The following MUSK variants were observed in gnomAD, a reference collection of about 807,000 sequenced individuals.
MUSK encodes muscle associated receptor tyrosine kinase, also known as muscle, skeletal receptor tyrosine-protein kinase.
A neutral mutation model predicts 88.7 loss-of-function variants in MUSK; 55 were observed. The ratio of observed to expected loss-of-function variants is 0.62; its 90% CI spans 0.50 to 0.78. The LOEUF is 0.78. Among genes scored for constraint, MUSK ranks in the 30% least tolerant of loss-of-function variants. MUSK has a pLI of 0.00. For synonymous variants in MUSK, 387 were observed against 391.9 expected (o/e 0.99, Z 0.15); for missense variants, 1,015 against 1,074.3 (o/e 0.94, Z 0.77).
chr9:110,697,271 G>T (rs2076443172), intron 4 of MUSK, 54 bp from the exon 5 acceptor site: 1 of 1,584,738 alleles, frequency 6.3e-7, no homozygotes, highest in Non-Finnish European at 8.6e-7. Flanking sequence ...TTTGGCAAAT[G>T]TATCCTTGAT....
At chr9:110,775,750 A>G in intron 9 of MUSK, 38 bp from the exon 10 acceptor site, 1 of 1,591,622 alleles carries the variant, frequency 6.3e-7, no homozygotes, top group Non-Finnish European at 8.6e-7. Context: ...TTAACATGTA[A>G]TGATTCATCA....
chr9:110,689,976 T>TATTTAAA (rs2076295840), intron 3 of MUSK, among the ~76,000 whole-genome samples: 4 of 68,012 alleles, frequency 5.9e-5, no homozygotes, highest in Non-Finnish European at 1.0e-4. Flanking sequence ...ATATATTATA[T>TATTTAAA]TATAAATATT....
At position 110,708,091 on chromosome 9, in the gene MUSK, CCTATCTATCTATCTAT is replaced by C. The variant is rs34403055; in HGVS notation, c.628+10659_628+10674del. On this transcript the variant is annotated intron_variant, in intron 5 of 14. Transcript: ENST00000374448. ...TTCCAAAAGATGAAAATAAATAATT[CCTATCTATCTATCTAT>C]CTATCTATCTATCTATCTATCTATC... 4.9e-3 allele frequency among the ~76,000 whole-genome samples: 725 copies of C among 148,682 alleles called. 9 individuals are homozygous for C. The highest frequency in any genetic ancestry group is 0.016 in the African/African-American group (664 of 40,280).
chr9:110,681,029 T>TAA (rs1564209366), intron 1 of MUSK, among the ~76,000 whole-genome samples: 3 of 10,828 alleles, frequency 2.8e-4, no homozygotes, highest in Admixed American at 1.4e-3. Context: ...ATATTATATA[T>TAA]TATATATTAT....
At chr9:110,685,297 C>A (rs1038467918) in intron 2 of MUSK, among the ~76,000 whole-genome samples, 1 of 151,986 alleles carries the variant, frequency 6.6e-6, no homozygotes, top group African/African-American at 2.4e-5. Context: ...CCTTGTATCC[C>A]AGGGATAAGT....
At chr9:110,681,125 T>TATATATA (rs2076128136) in intron 1 of MUSK, among the ~76,000 whole-genome samples, 1 of 69,136 alleles carries the variant, frequency 1.4e-5, no homozygotes, top group Non-Finnish European at 2.5e-5. Flanking sequence ...TAATATATAT[T>TATATATA]ATATATATTA....
At chr9:110,731,399 A>T (rs1305625881) in intron 5 of MUSK, among the ~76,000 whole-genome samples, 1 of 152,108 alleles carries the variant, frequency 6.6e-6, no homozygotes, top group Non-Finnish European at 1.5e-5. Context: ...ATAAGGAAAC[A>T]TTTGAGTAGA....
intron 11 of MUSK, among the ~76,000 whole-genome samples, chr9:110,781,007 G>C (rs1021795019): frequency 6.7e-6 from 1 of 149,898 alleles, no homozygotes; most frequent in East Asian, 1.9e-4. Flanking sequence ...TTTGCTGCAG[G>C]GCATAGTCCA....
intron 1 of MUSK, among the ~76,000 whole-genome samples, chr9:110,671,140 T>C (rs941452148): frequency 6.6e-6 from 1 of 152,062 alleles, no homozygotes; most frequent in African/African-American, 2.4e-5. Flanking sequence ...CTCGGCTAAT[T>C]TTTATATTTT....
At chr9:110,753,541 G>C (rs1217277199) in intron 7 of MUSK, among the ~76,000 whole-genome samples, 1 of 151,942 alleles carries the variant, frequency 6.6e-6, no homozygotes, top group Non-Finnish European at 1.5e-5. Context: ...TCATCAGAGA[G>C]TGCAGTCCAT....
At chr9:110,693,627 C>G (rs1193621192) in intron 3 of MUSK, among the ~76,000 whole-genome samples, 1 of 152,156 alleles carries the variant, frequency 6.6e-6, no homozygotes. Context: ...GCGTCAATAC[C>G]CTAGTCATTC....
chr9:110,739,483 C>G (rs773242994), intron 6 of MUSK, among the ~76,000 whole-genome samples: 5 of 152,174 alleles, frequency 3.3e-5, no homozygotes, highest in Admixed American at 6.6e-5. Flanking sequence ...AAAGGTCAAA[C>G]TAATACAACG....
chr9:110,727,123 GT>G (rs1178694579), intron 5 of MUSK, among the ~76,000 whole-genome samples: 2 of 152,058 alleles, frequency 1.3e-5, no homozygotes, highest in African/African-American at 2.4e-5. Flanking sequence ...GTTTTAAATA[GT>G]TTTTGAACTT....
intron 9 of MUSK, among the ~76,000 whole-genome samples, chr9:110,772,404 A>AT (rs926560015): frequency 2.6e-5 from 4 of 151,584 alleles, no homozygotes; most frequent in Non-Finnish European, 5.9e-5. Flanking sequence ...ATACATTTAA[A>AT]TTTTTTTTCT....
intron 11 of MUSK, among the ~76,000 whole-genome samples, chr9:110,781,762 A>G (rs1419487949): frequency 1.3e-5 from 2 of 152,214 alleles, no homozygotes; most frequent in Non-Finnish European, 1.5e-5. Context: ...GTGTCCTCAC[A>G]TGGCAGAACG....
At chr9:110,699,428 T>C (rs1423595715) in intron 5 of MUSK, among the ~76,000 whole-genome samples, 1 of 152,206 alleles carries the variant, frequency 6.6e-6, no homozygotes, top group Non-Finnish European at 1.5e-5. Flanking sequence ...TGCTGGTACA[T>C]AATAAGCATT....
In MUSK at chr9:110,718,860, A is replaced by G. The variant is rs914156464; in HGVS notation, c.629-15391A>G. 4.6e-5 allele frequency among the ~76,000 whole-genome samples: 7 copies of G among 152,248 alleles called. No homozygotes were observed. In the Middle Eastern group the frequency reaches 0.01, roughly 222 times the overall value. The stretch of plus-strand genomic sequence containing the variant: ...AAGCATCAGGCATCTTATAAAGGAA[A>G]ATCTATCAGAGTAACAGCAGATTTC... On this transcript the variant is annotated intron_variant, in intron 5 of 14. Coordinates refer to ENST00000374448, the MANE Select transcript of MUSK (RefSeq NM_005592.4).
At chr9:110,744,412 G>C (rs2077146996) in intron 6 of MUSK, among the ~76,000 whole-genome samples, 1 of 152,094 alleles carries the variant, frequency 6.6e-6, no homozygotes, top group African/African-American at 2.4e-5. Flanking sequence ...CATAGCTGGG[G>C]GTGGATTCTC....
intron 5 of MUSK, chr9:110,728,165 A>T (rs2076912378): frequency 6.6e-6 from 1 of 152,642 alleles, no homozygotes; most frequent in Non-Finnish European, 1.5e-5. Context: ...AGAGTTGCAG[A>T]TCTCTGTTGG....
Sources: gnomAD v4.1 joint callset for allele counts (sites outside exome capture counted in the v4.1 genomes callset) on GRCh38, gnomAD v4.1.1 for gene constraint, MANE v1.5 for transcripts, NCBI Gene and HGNC (gene_info 2026-07-23, HGNC 2026-07-21) for gene names.